Variants in CLSTN2 observed in about 807,000 individuals in gnomAD.
CLSTN2 encodes calsyntenin-2.
CLSTN2 carries 48 observed loss-of-function variants against 101.2 expected under a neutral mutation model. The ratio of observed to expected loss-of-function variants is 0.47; its 90% CI spans 0.38 to 0.60. CLSTN2 has a LOEUF of 0.60. Ranked by LOEUF, CLSTN2 falls within the 20% of genes least tolerant of loss-of-function variation. The pLI, the probability that CLSTN2 is intolerant of heterozygous loss-of-function variation, is 0.00. For synonymous variants in CLSTN2, 481 were observed against 463.6 expected (o/e 1.04, Z -0.48); for missense variants, 1,160 against 1,238.2 (o/e 0.94, Z 0.95).
intron 2 of CLSTN2, among the ~76,000 whole-genome samples, chr3:140,264,576 T>A (rs139749063): frequency 1.8e-3 from 274 of 152,040 alleles, no homozygotes; most frequent in African/African-American, 6.5e-3. Flanking sequence ...CAATATTTGC[T>A]AATTCAGTCT....
chr3:140,530,325 ACGGATGT>A (rs996780483), intron 8 of CLSTN2, among the ~76,000 whole-genome samples: 1 of 152,194 alleles, frequency 6.6e-6, no homozygotes, highest in African/African-American at 2.4e-5. Flanking sequence ...CTGTTGTTTC[ACGGATGT>A]TTATAGGAAT....
rs114701785 is a variant in CLSTN2, at chr3:140,294,297, A to C, written c.233-109332A>C. ...GTAACAGTCATGGGCTAAACTGTTA[A>C]TCTCAGTAGATTAAAATACAAAGGT... On this transcript the variant is annotated intron_variant, in intron 2 of 16. Transcript: ENST00000458420. Among the ~76,000 whole-genome samples, 450 of 152,338 alleles carry C rather than the reference A, an allele frequency of 3.0e-3. 8 individuals carry two copies. Among genetic ancestry groups the C allele is most frequent in the African/African-American group, 0.01 (431 of 41,584 alleles).
chr3:140,084,775 A>G (rs1232753858), intron 1 of CLSTN2, among the ~76,000 whole-genome samples: 1 of 152,118 alleles, frequency 6.6e-6, no homozygotes, highest in African/African-American at 2.4e-5. Flanking sequence ...AGATACTTGA[A>G]TCTCCTTTCC....
intron 2 of CLSTN2, among the ~76,000 whole-genome samples, chr3:140,379,802 A>G (rs1358383585): frequency 1.3e-5 from 2 of 152,164 alleles, no homozygotes. Context: ...ATCTTATAAT[A>G]TGAAATGAAG....
At chr3:140,179,863 T>C (rs1474159530) in intron 2 of CLSTN2, among the ~76,000 whole-genome samples, 12 of 152,184 alleles carry the variant, frequency 7.9e-5, no homozygotes, top group Admixed American at 7.9e-4. Context: ...TCAGATTCTG[T>C]TGTTTGGATG....
chr3:140,090,251 G>A lies in CLSTN2; in HGVS notation c.110-85700G>A, dbSNP rs531726265. Among the ~76,000 whole-genome samples the A allele has an allele frequency of 1.6e-4, 25 of 151,956 alleles. 2 individuals are homozygous for A. The highest frequency in any genetic ancestry group is 1.6e-3 in the East Asian group (8 of 5,134). ...ATTTGGAATGTTTCTGGTTGGAGATGTTATTTGTGGTTTATGGTCATGCTG... is the reference window on the plus strand; with the variant it reads ...ATTTGGAATGTTTCTGGTTGGAGATATTATTTGTGGTTTATGGTCATGCTG... On this transcript the variant is annotated intron_variant, in intron 1 of 16. Coordinates refer to ENST00000458420, the MANE Select transcript of CLSTN2 (RefSeq NM_022131.3).
intron 1 of CLSTN2, among the ~76,000 whole-genome samples, chr3:140,010,953 T>C (rs767495732): frequency 1.1e-4 from 16 of 152,244 alleles, no homozygotes; most frequent in Admixed American, 2.0e-4. Flanking sequence ...TGCACCTGAA[T>C]GGCCTGTGTG....
chr3:139,997,046 T>TTA (rs2006682658), intron 1 of CLSTN2, among the ~76,000 whole-genome samples: 1 of 56,174 alleles, frequency 1.8e-5, no homozygotes, highest in South Asian at 9.0e-4. Flanking sequence ...AGACTCTGTC[T>TTA]CAAAAAAAAA....
At chr3:140,141,332 G>T (rs2009694037) in intron 1 of CLSTN2, among the ~76,000 whole-genome samples, 1 of 152,168 alleles carries the variant, frequency 6.6e-6, no homozygotes, top group Non-Finnish European at 1.5e-5. Flanking sequence ...TCTGCCTCTT[G>T]CTTTGACCAG....
rs112963451 is a variant in CLSTN2 at position 140,225,781 on chromosome 3, C to T, written c.232+49708C>T. On this transcript the variant is annotated intron_variant, in intron 2 of 16. Transcript: ENST00000458420. Reference sequence around the variant, plus strand: ...AAGTGCTGGGATTACAGGCATGAGCCACTGCACCCGGCCTTGACACTGACA... The same window carrying T: ...AAGTGCTGGGATTACAGGCATGAGCTACTGCACCCGGCCTTGACACTGACA... 4.2e-3 allele frequency among the ~76,000 whole-genome samples: 638 copies of T among 152,226 alleles called. 3 individuals carry two copies. Among genetic ancestry groups the T allele is most frequent in the African/African-American group, 0.015 (604 of 41,528 alleles).
rs75100660 is a variant in CLSTN2 at position 140,213,111 on chromosome 3, C to G, written c.232+37038C>G. ...TTTAATACCAGAAGTAATATATGAA[C>G]ATGTTCTCCTTGTTTAAGCAAAAAA... On this transcript the variant is annotated intron_variant, in intron 2 of 16. Transcript: ENST00000458420. Among the ~76,000 whole-genome samples, 1,252 of 152,292 alleles carry G rather than the reference C, an allele frequency of 8.2e-3. 6 individuals carry two copies. The highest frequency in any genetic ancestry group is 0.02 in the Middle Eastern group (6 of 294).
intron 2 of CLSTN2, among the ~76,000 whole-genome samples, chr3:140,226,248 A>G: frequency 6.6e-6 from 1 of 152,190 alleles, no homozygotes; most frequent in Non-Finnish European, 1.5e-5. Context: ...AGATGTGGCT[A>G]TAGAAGGGTA....
At position 140,403,772 on chromosome 3, in the gene CLSTN2, G is replaced by T. The variant is rs1163458766; in HGVS notation, c.376G>T (p.Ala126Ser). The change falls in exon 3 of 17, where the codon GCC becomes TCC. Residue 126 changes from alanine to serine, a missense_variant. Ala to Ser is a moderately conservative substitution (Grantham distance 99). Transcript: ENST00000458420. ...GAAGGAGTACACATTCATCATCCAG[G>T]CCTATGACTGTGGTGCTGGGCCCCA... ...LQKEYTFIIQ[A>S]YDCGAGPHET... 6.2e-7 allele frequency: 1 copy of T among 1,614,138 alleles called. No homozygotes were observed. Among genetic ancestry groups the T allele is most frequent in the Non-Finnish European group, 8.5e-7 (1 of 1,180,012 alleles).
chr3:140,417,535 C>T (rs1165171894), intron 4 of CLSTN2, among the ~76,000 whole-genome samples: 2 of 152,028 alleles, frequency 1.3e-5, no homozygotes, highest in African/African-American at 4.8e-5. Flanking sequence ...CCCTCAGCCC[C>T]CACTCTCCGA....
At chr3:140,278,750 T>C (rs1368924467) in intron 2 of CLSTN2, among the ~76,000 whole-genome samples, 1 of 152,220 alleles carries the variant, frequency 6.6e-6, no homozygotes, top group Non-Finnish European at 1.5e-5. Context: ...AGACAGGGTC[T>C]CACTCTGCTG....
At chr3:140,448,452 TA>T in intron 5 of CLSTN2, 66 bp from the exon 6 acceptor site, 1 of 1,342,570 alleles carries the variant, frequency 7.4e-7, no homozygotes, top group Non-Finnish European at 1.0e-6. Context: ...TTCACATTTC[TA>T]AAAGAAATGT....
intron 2 of CLSTN2, among the ~76,000 whole-genome samples, chr3:140,288,368 C>T (rs1358468120): frequency 6.6e-6 from 1 of 152,058 alleles, no homozygotes; most frequent in East Asian, 1.9e-4. Flanking sequence ...CTGCCATCTC[C>T]CCTCCCAGAC....
intron 1 of CLSTN2, among the ~76,000 whole-genome samples, chr3:140,171,597 T>C (rs1454299709): frequency 7.2e-6 from 1 of 139,432 alleles, no homozygotes; most frequent in Non-Finnish European, 1.5e-5. Flanking sequence ...AAATATATAC[T>C]GTATAATGTG....
At chr3:140,227,913 G>A (rs548504324) in intron 2 of CLSTN2, among the ~76,000 whole-genome samples, 173 of 152,300 alleles carry the variant, frequency 1.1e-3, no homozygotes, top group Non-Finnish European at 2.2e-3. Flanking sequence ...CACAGCATAG[G>A]TACCCTGGGC....
Sources: allele counts gnomAD v4.1 joint callset (sites outside exome capture counted in the v4.1 genomes callset), GRCh38; gene constraint gnomAD v4.1.1; transcripts MANE v1.5; gene names NCBI Gene and HGNC (gene_info 2026-07-23, HGNC 2026-07-21).